FBXO4: variants seen among roughly 807,000 people sequenced by gnomAD.
FBXO4 encodes the protein F-box only protein 4.
Under a neutral mutation model 43.7 loss-of-function variants are expected in FBXO4, and 36 were observed. That is an observed-to-expected ratio of 0.82 (90% CI 0.63 to 1.09). The LOEUF (loss-of-function observed/expected upper bound fraction) is 1.09, where lower values mean the gene tolerates loss of function less well. FBXO4 is among the 50% of genes least tolerant of loss of function. The pLI, the probability that FBXO4 is intolerant of heterozygous loss-of-function variation, is 0.00. For missense variants in FBXO4, 435 were observed against 474.1 expected (o/e 0.92, Z 0.77); for synonymous variants, 180 against 165.6 (o/e 1.09, Z -0.67).
chr5:41,964,592 GTT>G, the FBXO4 span, among the ~76,000 whole-genome samples: 15 of 135,750 alleles, frequency 1.1e-4, no homozygotes, highest in South Asian at 1.7e-3. Flanking sequence ...CAAGCCAAGT[GTT>G]TTTTTTTTTT....
At chr5:41,944,109 C>T (rs1456950998), downstream of FBXO4, among the ~76,000 whole-genome samples, 3 of 152,152 alleles carry the variant, frequency 2.0e-5, no homozygotes, top group Non-Finnish European at 4.4e-5. Context: ...GCAGCCCTAG[C>T]ACACTAAAAT....
chr5:41,938,574 A>G (rs1287176670), intron 5 of FBXO4, among the ~76,000 whole-genome samples: 1 of 152,348 alleles, frequency 6.6e-6, no homozygotes, highest in East Asian at 1.9e-4. Flanking sequence ...TTAATAGTTT[A>G]AAACAACTAT....
the FBXO4 span, among the ~76,000 whole-genome samples, chr5:41,984,881 T>C: frequency 6.6e-6 from 1 of 152,212 alleles, no homozygotes; most frequent in South Asian, 2.1e-4. Flanking sequence ...CTGAGCTGTA[T>C]GGAGGGACTT....
chr5:42,003,800 T>C, the FBXO4 span, among the ~76,000 whole-genome samples: 1 of 151,894 alleles, frequency 6.6e-6, no homozygotes, highest in East Asian at 1.9e-4. Flanking sequence ...GTTCAACCAT[T>C]GTGGAAGACA....
At chr5:41,986,717 T>C in the FBXO4 span, among the ~76,000 whole-genome samples, 1 of 152,162 alleles carries the variant, frequency 6.6e-6, no homozygotes, top group Non-Finnish European at 1.5e-5. Flanking sequence ...CCCCAAATTA[T>C]GATATTATTA....
chr5:42,004,900 C>A, the FBXO4 span, among the ~76,000 whole-genome samples: 1 of 152,144 alleles, frequency 6.6e-6, no homozygotes, highest in Non-Finnish European at 1.5e-5. Context: ...CCATGTTTTT[C>A]ATCCTCTTCA....
At chr5:42,018,259 G>A in the FBXO4 span, among the ~76,000 whole-genome samples, 2 of 151,510 alleles carry the variant, frequency 1.3e-5, no homozygotes, top group Non-Finnish European at 2.9e-5. Flanking sequence ...AAATGTTTCA[G>A]ATTAGCAGTG....
At chr5:42,022,962 A>T in the FBXO4 span, among the ~76,000 whole-genome samples, 2,438 of 152,222 alleles carry the variant, frequency 0.016, 122 homozygotes, top group East Asian at 0.1. Context: ...AGGGTTTAAA[A>T]AAAATGAAAT....
chr5:42,035,180 G>A, the FBXO4 span, among the ~76,000 whole-genome samples: 2 of 152,048 alleles, frequency 1.3e-5, no homozygotes, highest in Non-Finnish European at 2.9e-5. Flanking sequence ...TGTATCCTGA[G>A]ACTTTGCTGA....
chr5:41,965,109 C>T, the FBXO4 span, among the ~76,000 whole-genome samples: 1 of 152,176 alleles, frequency 6.6e-6, no homozygotes, highest in Non-Finnish European at 1.5e-5. Context: ...TATGGCTAGC[C>T]AGTTTTCCCA....
chr5:42,026,367 T>C, the FBXO4 span, among the ~76,000 whole-genome samples: 1 of 151,842 alleles, frequency 6.6e-6, no homozygotes, highest in Non-Finnish European at 1.5e-5. Flanking sequence ...GCCACACTGA[T>C]TTTTATATAT....
chr5:41,933,851 C>T, intron 3 of FBXO4, 95 bp from the exon 4 acceptor site: 5 of 925,918 alleles, frequency 5.4e-6, no homozygotes, highest in Non-Finnish European at 3.3e-6. Flanking sequence ...AGAATTTTTT[C>T]TTTACTCTTT....
chr5:41,951,103 C>T, the FBXO4 span, among the ~76,000 whole-genome samples: 4 of 152,192 alleles, frequency 2.6e-5, no homozygotes, highest in African/African-American at 9.6e-5. Context: ...AGGAGAAATA[C>T]GTAATGTAGA....
the FBXO4 span, among the ~76,000 whole-genome samples, chr5:42,015,914 A>G: frequency 1.3e-5 from 2 of 152,114 alleles, no homozygotes; most frequent in Non-Finnish European, 2.9e-5. Flanking sequence ...CCCTCAAAGT[A>G]ATGGCACAAA....
the FBXO4 span, among the ~76,000 whole-genome samples, chr5:41,982,580 G>GA: frequency 6.6e-6 from 1 of 151,354 alleles, no homozygotes; most frequent in Non-Finnish European, 1.5e-5. Context: ...TGCTAACATT[G>GA]AAAAAAAATT....
At chr5:41,944,799 G>A (rs569213289), downstream of FBXO4, among the ~76,000 whole-genome samples, 2 of 152,200 alleles carry the variant, frequency 1.3e-5, no homozygotes, top group Non-Finnish European at 2.9e-5. Context: ...CTAAGGTTAC[G>A]ATTGTACTCA....
chr5:41,996,185 T>C, the FBXO4 span, among the ~76,000 whole-genome samples: 29 of 152,148 alleles, frequency 1.9e-4, no homozygotes, highest in Middle Eastern at 3.2e-3. Context: ...CAGGACCTGC[T>C]CGAGCCTGAT....
the FBXO4 span, among the ~76,000 whole-genome samples, chr5:42,033,295 C>T: frequency 6.6e-6 from 1 of 152,160 alleles, no homozygotes; most frequent in Admixed American, 6.6e-5. Flanking sequence ...CACTAGGAGT[C>T]ACCTAAGAGT....
intron 6 of FBXO4, among the ~76,000 whole-genome samples, chr5:41,940,337 C>G (rs1190986349): frequency 6.6e-6 from 1 of 152,176 alleles, no homozygotes; most frequent in Non-Finnish European, 1.5e-5. Context: ...TTTTGGCTCA[C>G]TCCAACCTCT....
Sources: allele counts gnomAD v4.1 joint callset (sites outside exome capture counted in the v4.1 genomes callset), GRCh38; gene constraint gnomAD v4.1.1; transcripts MANE v1.5; gene names NCBI Gene and HGNC (gene_info 2026-07-23, HGNC 2026-07-21).